Variants in ARID2 observed in about 807,000 individuals in gnomAD.
ARID2 encodes AT-rich interaction domain 2.
In ARID2, 32 loss-of-function variants were observed where a neutral mutation model predicts 184.6. The ratio of observed to expected loss-of-function variants is 0.17; its 90% CI spans 0.13 to 0.23. The LOEUF (loss-of-function observed/expected upper bound fraction) is 0.23, where lower values mean the gene tolerates loss of function less well. Among genes scored for constraint, ARID2 ranks in the 10% least tolerant of loss-of-function variants. The probability of loss-of-function intolerance (pLI) is 1.00; values close to 1 mark genes in which losing one functional copy is unlikely to be tolerated. For missense variants in ARID2, 1,696 were observed against 2,197.6 expected, an observed-to-expected ratio of 0.77 and a Z score of 4.56; for synonymous variants, 836 against 772.6, an observed-to-expected ratio of 1.08 and a Z score of -1.36.
intron 15 of ARID2, among the ~76,000 whole-genome samples, chr12:45,856,867 G>A (rs776636694): frequency 2.9e-4 from 44 of 152,084 alleles, no homozygotes; most frequent in Middle Eastern, 3.4e-3. Flanking sequence ...TTCTTTATTG[G>A]TAACTGCTTA....
chr12:45,834,502 G>A (rs1029874308), intron 6 of ARID2, among the ~76,000 whole-genome samples: 3 of 152,140 alleles, frequency 2.0e-5, no homozygotes, highest in Non-Finnish European at 4.4e-5. Context: ...CAGCACTTTG[G>A]GAGGCCGAGA....
chr12:45,883,362 C>T (rs1049521486), intron 16 of ARID2, among the ~76,000 whole-genome samples: 3 of 150,120 alleles, frequency 2.0e-5, no homozygotes, highest in Non-Finnish European at 4.4e-5. Flanking sequence ...GAAGAATTTG[C>T]CAAATCATGT....
chr12:45,742,078 C>A (rs117005688), intron 3 of ARID2, among the ~76,000 whole-genome samples: 3 of 152,170 alleles, frequency 2.0e-5, no homozygotes, highest in Non-Finnish European at 4.4e-5. Context: ...ATATAGAATA[C>A]TTCCAGAAGT....
chr12:45,833,512 A>AT (rs1421732547), intron 6 of ARID2, among the ~76,000 whole-genome samples: 1 of 151,738 alleles, frequency 6.6e-6, no homozygotes, highest in Non-Finnish European at 1.5e-5. Context: ...AGGTGTGGTA[A>AT]TTTTTTATTA....
rs769422373 is a variant in ARID2 at position 45,850,856 on chromosome 12, A to C, written c.2733A>C (p.Val911=). The C allele has an allele frequency of 3.1e-6, 5 of 1,613,986 alleles. No individual in the cohort carries two copies. Among genetic ancestry groups the C allele is most frequent in the African/African-American group, 1.3e-5 (1 of 74,888 alleles). The change falls in exon 15 of 21, where the codon GTA becomes GTC. Residue 911 remains valine (V), a synonymous_variant. Coordinates refer to ENST00000334344, the MANE Select transcript of ARID2 (RefSeq NM_152641.4). ...CTCAGCAAGTTTCATCTACAGTGGT[A>C]CAGCAGCCTATTCAACAACCACAGC... ...LPSQQVSSTV[V]QQPIQQPQQP... is the part of the protein sequence containing the mutation.
rs767440476 is a variant in ARID2, at chr12:45,891,929, T to G, written c.5061+11T>G. The G allele has an allele frequency of 1.3e-5, 21 of 1,614,038 alleles. No individual in the cohort carries two copies. Among genetic ancestry groups the G allele is most frequent in the Non-Finnish European group, 1.6e-5 (19 of 1,179,980 alleles). On this transcript the variant is annotated intron_variant, in intron 17 of 20. Transcript: ENST00000334344. ...ATTACCCACTTGCAGGTACACTTTT[T>G]AAATACTATTTGATCAGTAACTCAT...
chr12:45,776,207 G>A (rs1941977363), intron 3 of ARID2: 1 of 155,152 alleles, frequency 6.4e-6, no homozygotes, highest in Non-Finnish European at 1.5e-5. Context: ...CAGAAACTCT[G>A]GGGTTAGGGC....
chr12:45,901,211 C>T (rs1291944017), intron 20 of ARID2, among the ~76,000 whole-genome samples: 2 of 125,390 alleles, frequency 1.6e-5, no homozygotes, highest in African/African-American at 6.4e-5. Context: ...CGCTCCGTTG[C>T]CCAGGCTGGA....
chr12:45,771,319 C>T (rs1269265007), intron 3 of ARID2, among the ~76,000 whole-genome samples: 10 of 147,818 alleles, frequency 6.8e-5, no homozygotes, highest in Admixed American at 4.7e-4. Context: ...GATCGTGCCA[C>T]TGCACTCCAC....
intron 3 of ARID2, among the ~76,000 whole-genome samples, chr12:45,772,351 A>C (rs1389643962): frequency 6.6e-6 from 1 of 152,190 alleles, no homozygotes; most frequent in Non-Finnish European, 1.5e-5. Context: ...GCTACTCAGG[A>C]GGCTGAGATG....
At chr12:45,830,206 A>C (rs1943087728) in intron 6 of ARID2, among the ~76,000 whole-genome samples, 2 of 151,950 alleles carry the variant, frequency 1.3e-5, no homozygotes, top group Admixed American at 6.6e-5. Context: ...CTGTTTTATA[A>C]TATTGGTTAC....
rs553083698 is a variant in ARID2, at chr12:45,741,704, A to C, written c.284+10390A>C. Reference sequence around the variant, plus strand: ...TGAGCCCTTCCTTTTTGACAAAATAAGATCTTCCAGGGTCTACTTGTATTT... The same window carrying C: ...TGAGCCCTTCCTTTTTGACAAAATACGATCTTCCAGGGTCTACTTGTATTT... On this transcript the variant is annotated intron_variant, in intron 3 of 20. Coordinates refer to ENST00000334344, the MANE Select transcript of ARID2 (RefSeq NM_152641.4). Among the ~76,000 whole-genome samples, 19 of 152,268 alleles carry C rather than the reference A, an allele frequency of 1.2e-4. No homozygotes were observed. The East Asian group carries it at 3.3e-3, about 26-fold the overall frequency.
At chr12:45,900,476 C>CAAT (rs1380946391) in intron 20 of ARID2, among the ~76,000 whole-genome samples, 9 of 152,284 alleles carry the variant, frequency 5.9e-5, no homozygotes, top group Non-Finnish European at 1.0e-4. Context: ...TCAAGCCTGT[C>CAAT]AATAAGCTGT....
intron 16 of ARID2, among the ~76,000 whole-genome samples, chr12:45,889,339 C>T (rs908723259): frequency 1.3e-5 from 2 of 152,096 alleles, no homozygotes; most frequent in Non-Finnish European, 2.9e-5. Context: ...TTTTAGTATA[C>T]TTGGCTATAT....
At chr12:45,830,480 T>TC (rs1004063956) in intron 6 of ARID2, among the ~76,000 whole-genome samples, 14 of 152,102 alleles carry the variant, frequency 9.2e-5, no homozygotes, top group African/African-American at 3.1e-4. Context: ...CCCTTTTGCC[T>TC]CCTTTTCTTT....
chr12:45,845,171 A>G lies in ARID2; in HGVS notation c.1499-1685A>G, dbSNP rs184497969. ...TTCTCATGATTTCAACGTAATTTCTAGTGTTTCATGAAATTGATTGCTAAT... is the reference window on the plus strand; with the variant it reads ...TTCTCATGATTTCAACGTAATTTCTGGTGTTTCATGAAATTGATTGCTAAT... On this transcript the variant is annotated intron_variant, in intron 11 of 20. Transcript: ENST00000334344. Among the ~76,000 whole-genome samples the G allele has an allele frequency of 1.5e-3, 227 of 152,236 alleles. 1 individual carries two copies. Among genetic ancestry groups the G allele is most frequent in the African/African-American group, 5.1e-3 (210 of 41,546 alleles).
intron 4 of ARID2, 37 bp downstream of exon 4, chr12:45,811,588 C>T (rs1942709840): frequency 1.2e-6 from 2 of 1,600,512 alleles, no homozygotes; most frequent in Admixed American, 1.7e-5. Flanking sequence ...TATATGTCCG[C>T]AGTTTTGAAT....
chr12:45,804,740 T>A (rs1158934169), intron 3 of ARID2, among the ~76,000 whole-genome samples: 1 of 152,024 alleles, frequency 6.6e-6, no homozygotes, highest in East Asian at 1.9e-4. Context: ...GCTTAATACA[T>A]CATCTAAACC....
intron 20 of ARID2, among the ~76,000 whole-genome samples, chr12:45,900,207 C>G (rs1443823744): frequency 6.6e-6 from 1 of 152,050 alleles, no homozygotes; most frequent in Non-Finnish European, 1.5e-5. Flanking sequence ...ACTACAGGCT[C>G]CCACTACTAC....
Sources: gnomAD v4.1 joint callset for allele counts (sites outside exome capture counted in the v4.1 genomes callset) on GRCh38, gnomAD v4.1.1 for gene constraint, MANE v1.5 for transcripts, NCBI Gene and HGNC (gene_info 2026-07-23, HGNC 2026-07-21) for gene names.